The following VPS13B variants were observed in gnomAD, a reference collection of about 807,000 sequenced individuals.
VPS13B encodes intermembrane lipid transfer protein VPS13B.
A neutral mutation model predicts 426.4 loss-of-function variants in VPS13B; 285 were observed. The ratio of observed to expected loss-of-function variants is 0.67; its 90% CI spans 0.61 to 0.74. The LOEUF is 0.74. Ranked by LOEUF, VPS13B falls within the 30% of genes least tolerant of loss-of-function variation. VPS13B has a pLI of 0.00. For synonymous variants in VPS13B, 1,676 were observed against 1,676.4 expected, an observed-to-expected ratio of 1.00 and a Z score of 0.01; for missense variants, 4,537 against 4,782.6, an observed-to-expected ratio of 0.95 and a Z score of 1.51.
intron 12 of VPS13B, among the ~76,000 whole-genome samples, chr8:99,140,485 T>G (rs1052691617): frequency 6.6e-6 from 1 of 151,986 alleles, no homozygotes; most frequent in Non-Finnish European, 1.5e-5. Flanking sequence ...CTATGGCATA[T>G]AAATAAAAAT....
chr8:99,662,136 GGAGCCAT>G (rs1170216295), intron 35 of VPS13B, among the ~76,000 whole-genome samples: 1 of 152,110 alleles, frequency 6.6e-6, no homozygotes, highest in Non-Finnish European at 1.5e-5. Flanking sequence ...TAGTGACAGA[GGAGCCAT>G]TCAAACCTAA....
At chr8:99,378,134 G>C (rs1588309136) in intron 19 of VPS13B, among the ~76,000 whole-genome samples, 6 of 70,488 alleles carry the variant, frequency 8.5e-5, no homozygotes, top group Admixed American at 2.0e-4. Flanking sequence ...CCATTTTAGA[G>C]CCCCCCCCCC....
chr8:99,046,709 T>C (rs1029456651), intron 3 of VPS13B, among the ~76,000 whole-genome samples: 5 of 152,172 alleles, frequency 3.3e-5, no homozygotes, highest in Admixed American at 1.3e-4. Flanking sequence ...TACATTGAGG[T>C]ATGTTACTTG....
At chr8:99,652,378 G>A (rs1829853324) in intron 34 of VPS13B, among the ~76,000 whole-genome samples, 2 of 152,122 alleles carry the variant, frequency 1.3e-5, no homozygotes, top group African/African-American at 4.8e-5. Flanking sequence ...TCTTAGCTAA[G>A]TGTATGGCAC....
At chr8:99,575,536 A>G in intron 31 of VPS13B, 122 bp from the exon 32 acceptor site, 2 of 1,159,018 alleles carry the variant, frequency 1.7e-6, no homozygotes, top group Admixed American at 4.1e-5. Context: ...GCAAATAGGC[A>G]CTCTCAAAAT....
chr8:99,597,011 T>A (rs767840966), intron 33 of VPS13B, among the ~76,000 whole-genome samples: 1 of 152,070 alleles, frequency 6.6e-6, no homozygotes, highest in Non-Finnish European at 1.5e-5. Context: ...GATCCTAAAG[T>A]TCTATATCAT....
At chr8:99,384,152 T>G (rs1813987182) in intron 19 of VPS13B, 56 bp from the exon 20 acceptor site, 1 of 1,390,664 alleles carries the variant, frequency 7.2e-7, no homozygotes, top group Non-Finnish European at 1.0e-6. Flanking sequence ...AAGTGACAAA[T>G]AGCTTATTGT....
chr8:99,650,548 GGATAGTACT>G (rs1332023836), intron 34 of VPS13B, among the ~76,000 whole-genome samples: 2 of 152,102 alleles, frequency 1.3e-5, no homozygotes, highest in Admixed American at 6.6e-5. Flanking sequence ...CTCAAATTGT[GGATAGTACT>G]GACCCTTATA....
At chr8:99,515,609 G>A (rs1822026414) in intron 29 of VPS13B, among the ~76,000 whole-genome samples, 1 of 151,892 alleles carries the variant, frequency 6.6e-6, no homozygotes, top group African/African-American at 2.4e-5. Context: ...GTTTTTCTGT[G>A]GACTTTAAGT....
chr8:99,206,979 G>T (rs1814766140), intron 17 of VPS13B, among the ~76,000 whole-genome samples: 1 of 152,060 alleles, frequency 6.6e-6, no homozygotes, highest in Non-Finnish European at 1.5e-5. Flanking sequence ...AATTGAGTTA[G>T]ATTTGTATTG....
chr8:99,666,381 T>C (rs556377764), intron 35 of VPS13B, among the ~76,000 whole-genome samples: 3 of 152,238 alleles, frequency 2.0e-5, no homozygotes. Context: ...ACCAATATCC[T>C]TGATGAACAT....
At chr8:99,567,971 A>C (rs979760169) in intron 31 of VPS13B, among the ~76,000 whole-genome samples, 2 of 152,180 alleles carry the variant, frequency 1.3e-5, no homozygotes, top group African/African-American at 4.8e-5. Flanking sequence ...AGCTCAGGGA[A>C]GGCCCCTTCT....
intron 2 of VPS13B, among the ~76,000 whole-genome samples, chr8:99,030,634 G>A (rs1444008890): frequency 7.9e-5 from 12 of 152,054 alleles, no homozygotes; most frequent in Non-Finnish European, 1.5e-5. Flanking sequence ...ATAAAAATGC[G>A]TAAAGTATAT....
chr8:99,402,913 G>T (rs887756306), intron 21 of VPS13B, among the ~76,000 whole-genome samples: 2 of 152,216 alleles, frequency 1.3e-5, no homozygotes. Flanking sequence ...CTAACCAATT[G>T]CCTGGTATTC....
chr8:99,818,979 G>GGGGGTGGGGGGGGGGGGT, intron 47 of VPS13B, 91 bp downstream of exon 47: 1 of 839,430 alleles, frequency 1.2e-6, no homozygotes, highest in Non-Finnish European at 1.9e-6. Flanking sequence ...CGGGGGAGGG[G>GGGGGTGGGGGGGGGGGGT]TGGGTAGGGA....
Position 99,501,979 on chromosome 8 carries a change from G to A in VPS13B, c.4042+121G>A, listed in dbSNP as rs564136256. On this transcript the variant is annotated intron_variant, in intron 26 of 61. Coordinates refer to ENST00000357162, the MANE Select transcript of VPS13B (RefSeq NM_152564.5). Reference sequence around the variant, plus strand: ...TGTCTGTCTGTCTGTCTGTCTTTCCGTCTGTCTGTCTGTCTTTCCTTTCTG... The same window carrying A: ...TGTCTGTCTGTCTGTCTGTCTTTCCATCTGTCTGTCTGTCTTTCCTTTCTG... The A allele has an allele frequency of 1.1e-3, 1,243 of 1,086,846 alleles. 1 individual carries two copies. The highest frequency in any genetic ancestry group is 1.7e-3 in the Middle Eastern group (6 of 3,498). 67.3% of individuals were successfully genotyped at this position (1,086,846 alleles called of 1,614,324 possible). A position where few individuals can be genotyped will look rare whatever the true frequency, so the allele number is the denominator to read the frequency against.
chr8:99,321,473 G>A (rs1368768355), intron 19 of VPS13B, among the ~76,000 whole-genome samples: 2 of 152,050 alleles, frequency 1.3e-5, no homozygotes, highest in African/African-American at 2.4e-5. Flanking sequence ...CTCCCAAAGT[G>A]TTGGGATTAC....
intron 15 of VPS13B, among the ~76,000 whole-genome samples, chr8:99,165,255 T>G (rs962791265): frequency 1.3e-5 from 2 of 152,238 alleles, no homozygotes; most frequent in African/African-American, 2.4e-5. Flanking sequence ...GTCTTCATGT[T>G]GTACAATAGA....
At chr8:99,348,068 C>T (rs1387582198) in intron 19 of VPS13B, 1 of 152,286 alleles carries the variant, frequency 6.6e-6, no homozygotes, top group African/African-American at 2.4e-5. Context: ...ACATCTTACT[C>T]TGTTCAGTTG....
Sources: gnomAD v4.1 joint callset for allele counts (sites outside exome capture counted in the v4.1 genomes callset) on GRCh38, gnomAD v4.1.1 for gene constraint, MANE v1.5 for transcripts, NCBI Gene and HGNC (gene_info 2026-07-23, HGNC 2026-07-21) for gene names.